The following NRXN3 variants were observed in gnomAD, a reference collection of about 807,000 sequenced individuals.
The protein encoded by NRXN3 is neurexin 3.
NRXN3 carries 32 observed loss-of-function variants against 137.6 expected under a neutral mutation model. The ratio of observed to expected loss-of-function variants is 0.23; its 90% confidence interval spans 0.18 to 0.31. The LOEUF is 0.31. Among genes scored for constraint, NRXN3 ranks in the 10% least tolerant of loss-of-function variants. The pLI is 1.00. For synonymous variants in NRXN3, 798 were observed against 784.5 expected (o/e 1.02, Z -0.29); for missense variants, 1,574 against 2,062.5 (o/e 0.76, Z 4.59).
Position 78,872,939 on chromosome 14 carries a change from C to T in NRXN3, c.2275+62595C>T, listed in dbSNP as rs182850675. Among the ~76,000 whole-genome samples the T allele has an allele frequency of 2.0e-3, 304 of 152,254 alleles. 2 individuals are homozygous for T. The highest frequency in any genetic ancestry group is 7.1e-3 in the African/African-American group (293 of 41,534). Reference sequence around the variant, plus strand: ...AGCCTGAGCCTCTTCAAGTCAGATTCCAATGCTCTTCTTAAACAGATTCTC... The same window carrying T: ...AGCCTGAGCCTCTTCAAGTCAGATTTCAATGCTCTTCTTAAACAGATTCTC... On this transcript the variant is annotated intron_variant, in intron 10 of 20. Transcript: ENST00000335750.
At chr14:79,763,525 G>A (rs2099046022) in intron 19 of NRXN3, among the ~76,000 whole-genome samples, 1 of 151,542 alleles carries the variant, frequency 6.6e-6, no homozygotes, top group Non-Finnish European at 1.5e-5. Flanking sequence ...AGCTATCTTA[G>A]TCCATTTAGG....
chr14:78,221,992 G>A (rs2063900069), intron 1 of NRXN3, among the ~76,000 whole-genome samples: 1 of 152,184 alleles, frequency 6.6e-6, no homozygotes, highest in South Asian at 2.1e-4. Context: ...ACAAGTGGTA[G>A]GTAAGAGCTG....
At chr14:79,266,434 T>C (rs2078479233) in intron 15 of NRXN3, among the ~76,000 whole-genome samples, 1 of 152,172 alleles carries the variant, frequency 6.6e-6, no homozygotes, top group African/African-American at 2.4e-5. Context: ...ATGCTCATTA[T>C]TGGGACTGAT....
chr14:78,668,922 A>G (rs1451133287), intron 6 of NRXN3, among the ~76,000 whole-genome samples: 2 of 140,910 alleles, frequency 1.4e-5, no homozygotes, highest in African/African-American at 6.2e-5. Flanking sequence ...ATTAAACTCT[A>G]TCTATCTATC....
At chr14:79,033,193 G>A (rs2099610655) in intron 15 of NRXN3, among the ~76,000 whole-genome samples, 1 of 152,032 alleles carries the variant, frequency 6.6e-6, no homozygotes, top group Non-Finnish European at 1.5e-5. Context: ...TGCATGGCAG[G>A]TTAGATGCCC....
chr14:78,868,728 G>A (rs940810031), intron 10 of NRXN3, among the ~76,000 whole-genome samples: 2 of 152,034 alleles, frequency 1.3e-5, no homozygotes, highest in South Asian at 2.1e-4. Flanking sequence ...GCCTAAGGCA[G>A]GAGAATCACT....
intron 4 of NRXN3, among the ~76,000 whole-genome samples, chr14:78,499,745 A>G (rs541589350): frequency 5.3e-5 from 8 of 152,146 alleles, no homozygotes; most frequent in Non-Finnish European, 8.8e-5. Flanking sequence ...GCACAACTTC[A>G]TTCCTGGAGT....
chr14:78,860,090 C>T (rs1327582560), intron 10 of NRXN3, among the ~76,000 whole-genome samples: 1 of 151,790 alleles, frequency 6.6e-6, no homozygotes, highest in Non-Finnish European at 1.5e-5. Flanking sequence ...TATTATTAGC[C>T]CTGAGATGAA....
chr14:79,515,038 A>G (rs1227332930), intron 16 of NRXN3, among the ~76,000 whole-genome samples: 1 of 150,564 alleles, frequency 6.6e-6, no homozygotes, highest in Admixed American at 6.6e-5. Context: ...TTCAAAAAAG[A>G]AAGAGAGATA....
chr14:78,363,036 C>T (rs1349517120), intron 4 of NRXN3, among the ~76,000 whole-genome samples: 3 of 152,170 alleles, frequency 2.0e-5, no homozygotes, highest in African/African-American at 7.2e-5. Context: ...TGTCAATCTG[C>T]CAGGCCTCCT....
chr14:79,601,347 C>G (rs539689209), intron 16 of NRXN3, among the ~76,000 whole-genome samples: 83 of 152,148 alleles, frequency 5.5e-4, no homozygotes, highest in African/African-American at 1.9e-3. Flanking sequence ...AGCCTGTTGC[C>G]TTGTTTCTGA....
intron 10 of NRXN3, among the ~76,000 whole-genome samples, chr14:78,884,303 A>G (rs1315673925): frequency 6.6e-6 from 1 of 152,174 alleles, no homozygotes; most frequent in East Asian, 1.9e-4. Flanking sequence ...TTGATTTTTA[A>G]TCCTGGGATA....
At chr14:79,096,706 A>G (rs1417970006) in intron 15 of NRXN3, among the ~76,000 whole-genome samples, 2 of 151,266 alleles carry the variant, frequency 1.3e-5, no homozygotes, top group East Asian at 3.9e-4. Flanking sequence ...CTTATTCCAG[A>G]CTCCTGGCAC....
At chr14:79,274,060 G>C (rs193135639) in intron 15 of NRXN3, among the ~76,000 whole-genome samples, 1 of 146,414 alleles carries the variant, frequency 6.8e-6, no homozygotes, top group Non-Finnish European at 1.5e-5. Flanking sequence ...CCGAGATTAC[G>C]CACTGCACTC....
chr14:79,512,757 T>G (rs970639856), intron 16 of NRXN3, among the ~76,000 whole-genome samples: 1 of 152,150 alleles, frequency 6.6e-6, no homozygotes, highest in Non-Finnish European at 1.5e-5. Context: ...ATCTTTCCAT[T>G]CTTTATTACC....
At chr14:79,334,656 A>G (rs1196467652) in intron 15 of NRXN3, among the ~76,000 whole-genome samples, 1 of 152,162 alleles carries the variant, frequency 6.6e-6, no homozygotes, top group Non-Finnish European at 1.5e-5. Context: ...CAATTATACC[A>G]TAAAGAGGCA....
In NRXN3 at chr14:78,599,640, T is replaced by C. The variant is rs535096299; in HGVS notation, c.758-45480T>C. On this transcript the variant is annotated intron_variant, in intron 4 of 20. Transcript: ENST00000335750. ...CTGTTAAACTCCATTTCAGTAGTCA[T>C]TCACCCAGTCCTGCAGATTTTTTGT... is the stretch of plus-strand genomic sequence containing the variant. Among the ~76,000 whole-genome samples the C allele has an allele frequency of 6.5e-4, 99 of 152,318 alleles. No individual in the cohort carries two copies. The Middle Eastern group carries it at 0.02, about 31-fold the overall frequency.
intron 1 of NRXN3, among the ~76,000 whole-genome samples, chr14:78,211,085 G>A (rs957896828): frequency 7.2e-5 from 11 of 152,348 alleles, no homozygotes; most frequent in African/African-American, 2.6e-4. Flanking sequence ...AGTGCTTAGA[G>A]TGGTGCCTGG....
chr14:78,826,661 G>T (rs1304196455), intron 10 of NRXN3, among the ~76,000 whole-genome samples: 1 of 152,134 alleles, frequency 6.6e-6, no homozygotes, highest in Non-Finnish European at 1.5e-5. Context: ...CAAAGTTTTT[G>T]TGTTTGTTTG....
Sources: gnomAD v4.1 joint callset for allele counts (sites outside exome capture counted in the v4.1 genomes callset) on GRCh38, gnomAD v4.1.1 for gene constraint, MANE v1.5 for transcripts, NCBI Gene and HGNC (gene_info 2026-07-23, HGNC 2026-07-21) for gene names.